The following OSBPL8 variants were observed in gnomAD, a reference collection of about 807,000 sequenced individuals.
OSBPL8 encodes oxysterol binding protein like 8.
In OSBPL8, 59 loss-of-function variants were observed where a neutral mutation model predicts 125.5. The observed-to-expected ratio is 0.47, with a 90% CI of 0.38 to 0.58. OSBPL8 has a LOEUF of 0.58. OSBPL8 is among the 20% of genes least tolerant of loss of function. The pLI is 0.00. For missense variants in OSBPL8, 758 were observed against 1,047.8 expected (o/e 0.72, Z 3.82); for synonymous variants, 330 against 338.9 (o/e 0.97, Z 0.29).
intron 1 of OSBPL8, among the ~76,000 whole-genome samples, chr12:76,517,808 G>C (rs897737024): frequency 6.6e-6 from 1 of 152,158 alleles, no homozygotes; most frequent in Non-Finnish European, 1.5e-5. Context: ...GAGCAAGAGA[G>C]AGAGGTGGGG....
intron 4 of OSBPL8, among the ~76,000 whole-genome samples, chr12:76,426,982 C>T (rs1345258764): frequency 6.6e-6 from 1 of 152,118 alleles, no homozygotes; most frequent in Non-Finnish European, 1.5e-5. Context: ...CCTTCTCCCA[C>T]AAGATGTAAT....
rs1954468553 is a variant in OSBPL8, at chr12:76,410,482, C to G, written c.288+82G>C. 4 of 1,024,362 alleles carry G rather than the reference C, an allele frequency of 3.9e-6. No homozygotes were observed. The Admixed American group carries it at 7.8e-5, about 20-fold the overall frequency. 63.5% of individuals were successfully genotyped at this position (1,024,362 alleles called of 1,614,324 possible). A position where few individuals can be genotyped will look rare whatever the true frequency, so the allele number is the denominator to read the frequency against. ...TCAACATAAAAACATCACAAAAAAG[C>G]TTCATAGGATTTCAGTGTTAGTTCC... On this transcript the variant is annotated intron_variant, in intron 5 of 23. Transcript: ENST00000261183.
chr12:76,359,771 G>A (rs1002452514), intron 21 of OSBPL8, among the ~76,000 whole-genome samples: 1 of 152,176 alleles, frequency 6.6e-6, no homozygotes, highest in East Asian at 1.9e-4. Flanking sequence ...CAGATCTCGT[G>A]AGACTTATTC....
At chr12:76,513,985 T>C (rs1245093013) in intron 1 of OSBPL8, among the ~76,000 whole-genome samples, 1 of 152,092 alleles carries the variant, frequency 6.6e-6, no homozygotes, top group East Asian at 1.9e-4. Context: ...TTATGTTGGC[T>C]TGTTTGTGTG....
chr12:76,414,342 ATTT>A (rs1292736618), intron 4 of OSBPL8, among the ~76,000 whole-genome samples: 1 of 151,254 alleles, frequency 6.6e-6, no homozygotes, highest in Non-Finnish European at 1.5e-5. Context: ...TTTAATGTAG[ATTT>A]TTGATATATT....
intron 1 of OSBPL8, among the ~76,000 whole-genome samples, chr12:76,525,248 T>TA (rs1310850852): frequency 6.6e-6 from 1 of 152,222 alleles, no homozygotes; most frequent in Non-Finnish European, 1.5e-5. Context: ...ATTTTCCTGA[T>TA]ATTTTACAGG....
rs74103480 is a variant in OSBPL8 at position 76,492,936 on chromosome 12, A to T, written c.-67-5318T>A. ...TAGATATATATAGATATATATAGAT[A>T]TTTTTTTTTTGCTTTCATTGTGTGC... On this transcript the variant is annotated intron_variant, in intron 1 of 23. Transcript: ENST00000261183. 3.7e-4 allele frequency among the ~76,000 whole-genome samples: 55 copies of T among 149,178 alleles called. 1 individual carries two copies. The highest frequency in any genetic ancestry group is 3.5e-3 in the Middle Eastern group (1 of 284).
intron 12 of OSBPL8, among the ~76,000 whole-genome samples, chr12:76,389,336 CCTCT>C (rs372468800): frequency 1.3e-5 from 2 of 151,976 alleles, no homozygotes; most frequent in African/African-American, 4.8e-5. Flanking sequence ...ATGCCAATCA[CCTCT>C]CTCTCTCTGT....
intron 23 of OSBPL8, among the ~76,000 whole-genome samples, 164 bp from the exon 24 acceptor site, chr12:76,356,185 T>G (rs557602919): frequency 6.6e-6 from 1 of 151,994 alleles, no homozygotes; most frequent in South Asian, 2.1e-4. Flanking sequence ...GGTCTGGGAC[T>G]GCAAAGAGGA....
intron 2 of OSBPL8, among the ~76,000 whole-genome samples, chr12:76,470,386 A>G (rs141766838): frequency 6.6e-6 from 1 of 152,336 alleles, no homozygotes; most frequent in East Asian, 1.9e-4. Flanking sequence ...CCATATTATC[A>G]CATCATAATC....
At chr12:76,459,782 C>T (rs1425321922) in intron 3 of OSBPL8, 77 bp downstream of exon 3, 1 of 1,495,198 alleles carries the variant, frequency 6.7e-7, no homozygotes, top group Admixed American at 1.7e-5. Context: ...ATTGAAACAC[C>T]ATTTGCCTTT....
intron 1 of OSBPL8, among the ~76,000 whole-genome samples, chr12:76,525,420 CA>C (rs577355806): frequency 1.3e-5 from 2 of 152,016 alleles, no homozygotes; most frequent in Non-Finnish European, 2.9e-5. Flanking sequence ...TGTAATAAGT[CA>C]AAGAATGTTC....
chr12:76,529,195 G>A (rs1479059231), intron 1 of OSBPL8, among the ~76,000 whole-genome samples: 2 of 152,032 alleles, frequency 1.3e-5, no homozygotes, highest in Non-Finnish European at 2.9e-5. Flanking sequence ...AAAGCATTAT[G>A]AACTAACAAT....
Position 76,455,318 on chromosome 12 carries a change from G to A in OSBPL8, c.80-4330C>T, listed in dbSNP as rs187390886. Among the ~76,000 whole-genome samples the A allele has an allele frequency of 5.9e-5, 9 of 151,598 alleles. No homozygotes were observed. The East Asian group carries it at 1.7e-3, about 29-fold the overall frequency. ...CTTAAGCTGAGTGATAGCTCAATAA[G>A]GGCTCATTGTATAATTATGCTCTCA... On this transcript the variant is annotated intron_variant, in intron 3 of 23. Coordinates refer to ENST00000261183, the MANE Select transcript of OSBPL8 (RefSeq NM_020841.5).
chr12:76,491,140 CCT>C (rs1387977529), intron 1 of OSBPL8, among the ~76,000 whole-genome samples: 6 of 152,148 alleles, frequency 3.9e-5, no homozygotes, highest in Non-Finnish European at 7.3e-5. Context: ...ATGAGGCACC[CCT>C]GTCAGGAGTT....
At chr12:76,436,694 G>T (rs892995283) in intron 4 of OSBPL8, among the ~76,000 whole-genome samples, 2 of 151,950 alleles carry the variant, frequency 1.3e-5, no homozygotes, top group African/African-American at 4.8e-5. Context: ...TCTAGTTACA[G>T]AACTAGGAAA....
intron 1 of OSBPL8, among the ~76,000 whole-genome samples, chr12:76,508,763 T>TG (rs1880681849): frequency 6.6e-6 from 1 of 152,142 alleles, no homozygotes; most frequent in Non-Finnish European, 1.5e-5. Context: ...GCCTGACAGT[T>TG]TACAAATGCC....
intron 4 of OSBPL8, among the ~76,000 whole-genome samples, chr12:76,438,277 C>T (rs1236918154): frequency 7.3e-5 from 11 of 150,626 alleles, no homozygotes; most frequent in Admixed American, 2.0e-4. Flanking sequence ...TGAGCCACTG[C>T]GCCCAGCCCA....
At position 76,466,169 on chromosome 12, in the gene OSBPL8, T is replaced by C. The variant is rs973478797; in HGVS notation, c.43-6274A>G. The stretch of plus-strand genomic sequence containing the variant: ...GATGCCACCAAAATATCAACAGTAG[T>C]TAACTTTAGGAGGTAGGATTTTACT... On this transcript the variant is annotated intron_variant, in intron 2 of 23. Transcript: ENST00000261183. 1.2e-4 allele frequency among the ~76,000 whole-genome samples: 19 copies of C among 152,282 alleles called. No homozygotes were observed. The South Asian group carries it at 3.7e-3, about 30-fold the overall frequency.
Sources: allele counts gnomAD v4.1 joint callset (sites outside exome capture counted in the v4.1 genomes callset), GRCh38; gene constraint gnomAD v4.1.1; transcripts MANE v1.5; gene names NCBI Gene and HGNC (gene_info 2026-07-23, HGNC 2026-07-21).